CAST: variants seen among roughly 807,000 people sequenced by gnomAD.
The protein encoded by CAST is MIR583 host.
Under a neutral mutation model 119.6 loss-of-function variants are expected in CAST, and 76 were observed. The ratio of observed to expected loss-of-function variants is 0.64; its 90% CI spans 0.53 to 0.77. The LOEUF is 0.77. Among genes scored for constraint, CAST ranks in the 30% least tolerant of loss-of-function variants. The probability of loss-of-function intolerance (pLI) is 0.00; values close to 1 mark genes in which losing one functional copy is unlikely to be tolerated. For synonymous variants in CAST, 319 were observed against 331.6 expected (o/e 0.96, Z 0.41); for missense variants, 953 against 946.5 (o/e 1.01, Z -0.09).
chr5:96,526,088 T>C (rs956665787), upstream of CAST, among the ~76,000 whole-genome samples: 1 of 152,346 alleles, frequency 6.6e-6, no homozygotes, highest in African/African-American at 2.4e-5. Context: ...GTTTCACAAC[T>C]GCAGTGTTCT....
At chr5:96,663,825 C>T (rs760832338) in intron 1 of CAST, among the ~76,000 whole-genome samples, 2 of 151,994 alleles carry the variant, frequency 1.3e-5, no homozygotes, top group Non-Finnish European at 2.9e-5. Context: ...CAAGAACATT[C>T]CATTTGTTTG....
intron 1 of CAST, among the ~76,000 whole-genome samples, chr5:96,581,045 TAGTA>T (rs1261611794): frequency 2.0e-5 from 3 of 152,264 alleles, no homozygotes; most frequent in Non-Finnish European, 4.4e-5. Flanking sequence ...TCCCAGCCTC[TAGTA>T]CTGTGAGAAA....
At chr5:96,449,423 G>T in the CAST span, among the ~76,000 whole-genome samples, 2 of 152,148 alleles carry the variant, frequency 1.3e-5, no homozygotes, top group Non-Finnish European at 2.9e-5. Flanking sequence ...AATGTCTGAT[G>T]ATCTGAGATG....
intron 10 of CAST, among the ~76,000 whole-genome samples, chr5:96,737,011 G>A (rs1312045799): frequency 6.6e-6 from 1 of 152,178 alleles, no homozygotes; most frequent in East Asian, 1.9e-4. Flanking sequence ...AGCATGTGAA[G>A]GAGGAACAGT....
chr5:96,558,012 A>G (rs1746279027), intron 1 of CAST, among the ~76,000 whole-genome samples: 1 of 152,226 alleles, frequency 6.6e-6, no homozygotes, highest in Non-Finnish European at 1.5e-5. Context: ...TGTCTCTCAG[A>G]CCACAGTGCA....
intron 1 of CAST, among the ~76,000 whole-genome samples, chr5:96,572,040 T>G (rs1052595423): frequency 2.6e-5 from 4 of 152,212 alleles, no homozygotes; most frequent in Non-Finnish European, 5.9e-5. Context: ...ATAATAAACA[T>G]TTAAATCAAG....
chr5:96,106,793 T>C, the CAST span, among the ~76,000 whole-genome samples: 2 of 149,528 alleles, frequency 1.3e-5, no homozygotes, highest in Non-Finnish European at 3.0e-5. Context: ...ACTTTCTGTC[T>C]CGTTGATCTG....
At chr5:96,389,862 G>C in the CAST span, among the ~76,000 whole-genome samples, 1 of 152,136 alleles carries the variant, frequency 6.6e-6, no homozygotes, top group Non-Finnish European at 1.5e-5. Context: ...TTGAGCCTGG[G>C]ATGTGGAGGC....
At chr5:96,447,316 T>C in the CAST span, among the ~76,000 whole-genome samples, 2 of 152,184 alleles carry the variant, frequency 1.3e-5, no homozygotes, top group African/African-American at 2.4e-5. Context: ...CTTAAACCCA[T>C]GTTAGGACCT....
At chr5:96,413,101 C>T in the CAST span, 3 of 265,640 alleles carry the variant, frequency 1.1e-5, no homozygotes, top group Non-Finnish European at 1.7e-5. Context: ...TTTCTAAGCC[C>T]TGATTAAAAA....
At chr5:96,645,711 C>T (rs183903640) in intron 1 of CAST, among the ~76,000 whole-genome samples, 12 of 151,576 alleles carry the variant, frequency 7.9e-5, no homozygotes, top group South Asian at 2.1e-4. Flanking sequence ...AGTGGGAAAA[C>T]GCTGTGAAAG....
intron 19 of CAST, among the ~76,000 whole-genome samples, chr5:96,750,251 C>G (rs1188888722): frequency 6.6e-6 from 1 of 152,128 alleles, no homozygotes; most frequent in East Asian, 1.9e-4. Flanking sequence ...TTCCCAGGTA[C>G]TATGCATAGC....
chr5:96,299,299 C>A, the CAST span, among the ~76,000 whole-genome samples: 1 of 150,252 alleles, frequency 6.7e-6, no homozygotes, highest in Non-Finnish European at 1.5e-5. Context: ...AACAAACAAA[C>A]AAAAAACATG....
chr5:96,665,766 A>G (rs1749252693), intron 1 of CAST, among the ~76,000 whole-genome samples: 1 of 151,798 alleles, frequency 6.6e-6, no homozygotes, highest in South Asian at 2.1e-4. Context: ...ACACATATAC[A>G]TACACACATA....
At chr5:96,582,073 G>C (rs1746780163) in intron 1 of CAST, among the ~76,000 whole-genome samples, 1 of 152,136 alleles carries the variant, frequency 6.6e-6, no homozygotes, top group South Asian at 2.1e-4. Context: ...AAGAAATACT[G>C]TTTGGGAAAT....
the CAST span, among the ~76,000 whole-genome samples, chr5:96,326,325 T>C: frequency 2.0e-5 from 3 of 152,226 alleles, no homozygotes; most frequent in African/African-American, 7.2e-5. Context: ...CAAGCCTCAT[T>C]AGTCTAATGT....
At chr5:96,555,345 G>T (rs1001892865) in intron 1 of CAST, among the ~76,000 whole-genome samples, 1 of 152,222 alleles carries the variant, frequency 6.6e-6, no homozygotes, top group African/African-American at 2.4e-5. Flanking sequence ...TGAGGTACGT[G>T]TTCATCTCAC....
intron 1 of CAST, among the ~76,000 whole-genome samples, chr5:96,644,846 C>T (rs766384925): frequency 2.0e-4 from 31 of 152,190 alleles, no homozygotes; most frequent in East Asian, 3.9e-4. Flanking sequence ...AGTAGTGGCA[C>T]GTGCCTGTAA....
the CAST span, among the ~76,000 whole-genome samples, chr5:95,981,621 A>G: frequency 6.6e-6 from 1 of 152,168 alleles, no homozygotes; most frequent in Non-Finnish European, 1.5e-5. Flanking sequence ...CACGCCTGTA[A>G]TCCCAGCACT....
Sources: allele counts gnomAD v4.1 joint callset (sites outside exome capture counted in the v4.1 genomes callset), GRCh38; gene constraint gnomAD v4.1.1; transcripts MANE v1.5; gene names NCBI Gene and HGNC (gene_info 2026-07-23, HGNC 2026-07-21).